RGS7: variants seen among roughly 807,000 people sequenced by gnomAD.
RGS7 encodes the protein regulator of G protein signaling 7.
A neutral mutation model predicts 81.1 loss-of-function variants in RGS7; 27 were observed. The ratio of observed to expected loss-of-function variants is 0.33; its 90% CI spans 0.25 to 0.46. The LOEUF (loss-of-function observed/expected upper bound fraction) is 0.46. Among genes scored for constraint, RGS7 ranks in the 20% least tolerant of loss-of-function variants. The probability of loss-of-function intolerance (pLI) is 1.00; values close to 1 mark genes in which losing one functional copy is unlikely to be tolerated. For missense variants in RGS7, 396 were observed against 607.4 expected, an observed-to-expected ratio of 0.65 and a Z score of 3.66; for synonymous variants, 208 against 207.7, an observed-to-expected ratio of 1.00 and a Z score of -0.01.
intron 10 of RGS7, among the ~76,000 whole-genome samples, 189 bp downstream of exon 10, chr1:240,826,909 C>T (rs934866807): frequency 3.9e-5 from 6 of 152,066 alleles, no homozygotes; most frequent in Admixed American, 3.3e-4. Flanking sequence ...TCATGACCAC[C>T]GCTCTGTCTT....
At chr1:241,107,484 C>T (rs536833404) in intron 2 of RGS7, among the ~76,000 whole-genome samples, 6 of 152,214 alleles carry the variant, frequency 3.9e-5, no homozygotes, top group African/African-American at 1.4e-4. Context: ...TATAAAATGT[C>T]GAATCAGTCT....
chr1:241,221,900 T>A (rs2075038571), intron 2 of RGS7, among the ~76,000 whole-genome samples: 1 of 152,150 alleles, frequency 6.6e-6, no homozygotes, highest in Non-Finnish European at 1.5e-5. Context: ...TCTCTCTCTC[T>A]CTCTCTTTAT....
intron 3 of RGS7, among the ~76,000 whole-genome samples, chr1:241,089,009 G>A (rs2063660944): frequency 8.3e-6 from 1 of 120,758 alleles, no homozygotes; most frequent in Non-Finnish European, 1.7e-5. Flanking sequence ...CTGGGCCACA[G>A]AGCAAGACTC....
intron 2 of RGS7, among the ~76,000 whole-genome samples, chr1:241,185,809 A>G (rs923858059): frequency 1.3e-5 from 2 of 152,196 alleles, no homozygotes; most frequent in African/African-American, 4.8e-5. Context: ...ACCACAACAT[A>G]TTAAGTATTG....
chr1:240,804,799 C>T (rs1185515100), intron 15 of RGS7, among the ~76,000 whole-genome samples: 2 of 152,250 alleles, frequency 1.3e-5, no homozygotes, highest in East Asian at 3.9e-4. Context: ...ACATTGGAGA[C>T]CATGGCTGAA....
At chr1:241,187,245 C>T (rs1025259445) in intron 2 of RGS7, among the ~76,000 whole-genome samples, 3 of 151,922 alleles carry the variant, frequency 2.0e-5, no homozygotes, top group African/African-American at 7.3e-5. Context: ...TGAACATCCA[C>T]CAAGATTCTA....
At chr1:241,046,587 G>A (rs1352040156) in intron 3 of RGS7, among the ~76,000 whole-genome samples, 1 of 152,074 alleles carries the variant, frequency 6.6e-6, no homozygotes, top group Admixed American at 6.5e-5. Flanking sequence ...TTCTTCAACG[G>A]CCGACACCTC....
intron 14 of RGS7, among the ~76,000 whole-genome samples, chr1:240,808,776 G>A (rs1689321990): frequency 6.6e-6 from 1 of 152,068 alleles, no homozygotes; most frequent in East Asian, 1.9e-4. Context: ...TCAGGAGGCT[G>A]AGGTGGGAGG....
intron 3 of RGS7, among the ~76,000 whole-genome samples, chr1:241,005,889 C>T (rs930314063): frequency 5.3e-5 from 8 of 152,282 alleles, no homozygotes; most frequent in African/African-American, 1.9e-4. Flanking sequence ...CATGTCATTA[C>T]CTGTATTCGT....
intron 6 of RGS7, among the ~76,000 whole-genome samples, chr1:240,928,074 C>T (rs1321004826): frequency 6.6e-6 from 1 of 152,188 alleles, no homozygotes; most frequent in Non-Finnish European, 1.5e-5. Flanking sequence ...CCACAACAAC[C>T]CTTGATCTTG....
chr1:240,859,440 G>GTTTTT (rs5782167), intron 9 of RGS7, among the ~76,000 whole-genome samples: 14 of 110,828 alleles, frequency 1.3e-4, no homozygotes, highest in African/African-American at 2.0e-4. Flanking sequence ...TTTCTTTCCT[G>GTTTTT]TTTTTTTTTT....
At chr1:240,866,479 C>A (rs1326621661) in intron 9 of RGS7, among the ~76,000 whole-genome samples, 2 of 151,386 alleles carry the variant, frequency 1.3e-5, no homozygotes, top group African/African-American at 4.9e-5. Context: ...CCACTGCACT[C>A]CAGCCTGGGC....
intron 3 of RGS7, among the ~76,000 whole-genome samples, chr1:241,097,249 G>A (rs1260542369): frequency 6.6e-6 from 1 of 151,910 alleles, no homozygotes; most frequent in African/African-American, 2.4e-5. Flanking sequence ...GAGGAGAAAT[G>A]GAGTGAAGCC....
At chr1:241,127,722 T>C (rs1022757291) in intron 2 of RGS7, among the ~76,000 whole-genome samples, 15 of 152,182 alleles carry the variant, frequency 9.9e-5, no homozygotes, top group Non-Finnish European at 1.8e-4. Context: ...AGAATAACTT[T>C]CCATTTTATC....
chr1:240,997,819 G>C (rs1395659878), intron 3 of RGS7, among the ~76,000 whole-genome samples: 1 of 152,156 alleles, frequency 6.6e-6, no homozygotes, highest in Non-Finnish European at 1.5e-5. Context: ...GCAAGACTTT[G>C]TCTCAGGAAA....
chr1:241,164,564 T>A lies in RGS7; in HGVS notation c.79-65802A>T, dbSNP rs2070027028. ...GAAATGGGATCAAAGACCAAATATA[T>A]ATTCTACAATATCACAGGAGTCCTT... On this transcript the variant is annotated intron_variant, in intron 2 of 18. Transcript: ENST00000440928. The surrounding 1 kb of genome is among the most constrained non-coding windows in gnomAD (Gnocchi z 4.1). 1.3e-5 allele frequency among the ~76,000 whole-genome samples: 2 copies of A among 152,194 alleles called. No homozygotes were observed. Among genetic ancestry groups the A allele is most frequent in the African/African-American group, 4.8e-5 (2 of 41,468 alleles).
At chr1:241,251,881 T>C (rs1290241979) in intron 2 of RGS7, among the ~76,000 whole-genome samples, 1 of 152,022 alleles carries the variant, frequency 6.6e-6, no homozygotes, top group Non-Finnish European at 1.5e-5. Flanking sequence ...TTTGCCACTC[T>C]CAGGTAAATC....
At chr1:240,860,579 A>G (rs1423972987) in intron 9 of RGS7, among the ~76,000 whole-genome samples, 1 of 152,132 alleles carries the variant, frequency 6.6e-6, no homozygotes, top group African/African-American at 2.4e-5. Flanking sequence ...GGATTTGTAC[A>G]CACACAGGCA....
At chr1:240,806,769 G>A (rs1688926687) in intron 14 of RGS7, among the ~76,000 whole-genome samples, 1 of 151,940 alleles carries the variant, frequency 6.6e-6, no homozygotes, top group Non-Finnish European at 1.5e-5. Context: ...GGGAGATAAA[G>A]CTGTGCATTA....
Sources: gnomAD v4.1 joint callset for allele counts (sites outside exome capture counted in the v4.1 genomes callset) on GRCh38, gnomAD v4.1.1 for gene constraint, Gnocchi (gnomAD v3.1) non-coding constraint, MANE v1.5 for transcripts, NCBI Gene and HGNC (gene_info 2026-07-23, HGNC 2026-07-21) for gene names.